ADAP1: variants seen among roughly 807,000 people sequenced by gnomAD.
ADAP1 encodes arf-GAP with dual PH domain-containing protein 1.
A neutral mutation model predicts 54.9 loss-of-function variants in ADAP1; 31 were observed. The ratio of observed to expected loss-of-function variants is 0.56; its 90% confidence interval spans 0.42 to 0.76. ADAP1 has a LOEUF of 0.76. ADAP1 is among the 30% of genes least tolerant of loss of function. The pLI, the probability that ADAP1 is intolerant of heterozygous loss-of-function variation, is 0.00. For synonymous variants in ADAP1, 313 were observed against 202.6 expected (o/e 1.55, Z -4.63); for missense variants, 535 against 512.4 (o/e 1.04, Z -0.42).
chr7:902,658 A>T (rs1297799331), intron 6 of ADAP1, among the ~76,000 whole-genome samples: 1 of 151,728 alleles, frequency 6.6e-6, no homozygotes, highest in Admixed American at 6.6e-5. Flanking sequence ...AGAAAATGAG[A>T]ACAGGGAAAG....
At chr7:914,275 A>G (rs971208844) in intron 4 of ADAP1, among the ~76,000 whole-genome samples, 1 of 152,078 alleles carries the variant, frequency 6.6e-6, no homozygotes, top group African/African-American at 2.4e-5. Context: ...GGCCCTTCCC[A>G]AGCCCCGAGC....
chr7:901,550 A>G (rs1270724336), intron 6 of ADAP1, among the ~76,000 whole-genome samples: 1 of 152,148 alleles, frequency 6.6e-6, no homozygotes, highest in Admixed American at 6.5e-5. Context: ...CCGGCCCAGC[A>G]CCAGCTGGAG....
intron 6 of ADAP1, chr7:900,824 C>A: frequency 1.6e-6 from 1 of 644,088 alleles, no homozygotes. Context: ...GGCTGCCCCT[C>A]TGCGGGAGGG....
At chr7:935,284 C>T in intron 2 of ADAP1, 91 bp downstream of exon 2, 1 of 1,496,966 alleles carries the variant, frequency 6.7e-7, no homozygotes, top group Non-Finnish European at 9.0e-7. Context: ...CCAGGGGCCA[C>T]AGCCAGGCCG....
At chr7:909,405 C>A (rs1480418338) in intron 4 of ADAP1, among the ~76,000 whole-genome samples, 1 of 136,050 alleles carries the variant, frequency 7.4e-6, no homozygotes, top group Non-Finnish European at 1.5e-5. Flanking sequence ...GTCCTCCCGA[C>A]AGCAGGCGCC....
chr7:912,629 C>G (rs1845770176), intron 4 of ADAP1, among the ~76,000 whole-genome samples: 1 of 152,222 alleles, frequency 6.6e-6, no homozygotes, highest in African/African-American at 2.4e-5. Flanking sequence ...GACACAGCGG[C>G]CACAGAGGGG....
At chr7:941,636 G>T (rs1372963722) in intron 1 of ADAP1, among the ~76,000 whole-genome samples, 1 of 152,184 alleles carries the variant, frequency 6.6e-6, no homozygotes. Context: ...ATTGCTCAGA[G>T]AAATTAAAGA....
chr7:900,684 T>A, intron 6 of ADAP1, 68 bp from the exon 7 acceptor site: 5 of 1,341,664 alleles, frequency 3.7e-6, no homozygotes, highest in Non-Finnish European at 5.2e-6. Flanking sequence ...ACAGAGGGGC[T>A]GGGGTCCCCA....
In ADAP1 at chr7:937,687, CCCG is replaced by C. The variant is rs1562934318; in HGVS notation, c.83-2185_83-2183del. Reference sequence around the variant, plus strand: ...CGGCCTCTGGGATTTGGGGGTCATGCCCGGCCTCTGGGATTTGGGGGTCATGCC... The same window carrying C: ...CGGCCTCTGGGATTTGGGGGTCATGCGCCTCTGGGATTTGGGGGTCATGCC... On this transcript the variant is annotated intron_variant, in intron 1 of 10. Transcript: ENST00000265846. Among the ~76,000 whole-genome samples, 115 of 82,720 alleles carry C rather than the reference CCCG, an allele frequency of 1.4e-3. 9 individuals carry two copies. The highest frequency in any genetic ancestry group is 2.5e-3 in the South Asian group (4 of 1,610). 54.3% of individuals were successfully genotyped at this position (82,720 alleles called of 152,430 possible). A position where few individuals can be genotyped will look rare whatever the true frequency, so the allele number is the denominator to read the frequency against.
chr7:899,726 TGGG>T (rs1297414231), intron 8 of ADAP1, among the ~76,000 whole-genome samples: 1 of 151,820 alleles, frequency 6.6e-6, no homozygotes. Context: ...GGGCCCCAGA[TGGG>T]GGCCCAGGCC....
rs1045521216 is a variant in ADAP1, at chr7:900,283, G to C, written c.733-119C>G. ...GCCACCAGGTCAGGGCCCAGGCCTGGCTTAGCCTCCGCAGGATCCACATTT... is the reference window on the plus strand; with the variant it reads ...GCCACCAGGTCAGGGCCCAGGCCTGCCTTAGCCTCCGCAGGATCCACATTT... On this transcript the variant is annotated intron_variant, in intron 7 of 10. Coordinates refer to ENST00000265846, the MANE Select transcript of ADAP1 (RefSeq NM_006869.4). 1.7e-5 allele frequency: 22 copies of C among 1,269,178 alleles called. No individual in the cohort carries two copies. In the African/African-American group the frequency reaches 2.5e-4, roughly 15 times the overall value. 78.6% of individuals were successfully genotyped at this position (1,269,178 alleles called of 1,614,324 possible).
Position 920,789 on chromosome 7 carries a change from T to G in ADAP1, c.306-739A>C, listed in dbSNP as rs1221220495. The G allele has an allele frequency of 5.2e-6, 8 of 1,546,588 alleles. No homozygotes were observed. Among genetic ancestry groups the G allele is most frequent in the Non-Finnish European group, 7.0e-6 (8 of 1,145,372 alleles). On this transcript the variant is annotated intron_variant, in intron 3 of 10. Transcript: ENST00000265846. The surrounding 1 kb of genome is among the most constrained non-coding windows in gnomAD (Gnocchi z 4.5). ...CCCCATCCACCGTGACTCACTCGAG[T>G]GAAGCCAATACCATTGCAGAAACCA...
intron 4 of ADAP1, among the ~76,000 whole-genome samples, chr7:910,525 C>A (rs1180428434): frequency 2.6e-5 from 4 of 152,222 alleles, no homozygotes; most frequent in Admixed American, 6.5e-5. Flanking sequence ...ACTGGGGTTG[C>A]AGCGTGAGCC....
intron 5 of ADAP1, among the ~76,000 whole-genome samples, chr7:904,532 C>A (rs990216701): frequency 6.6e-6 from 1 of 152,164 alleles, no homozygotes; most frequent in Non-Finnish European, 1.5e-5. Flanking sequence ...TCCCCGGGGG[C>A]AGCCCCGGGC....
At position 900,620 on chromosome 7, in the gene ADAP1, G is replaced by GGGGCAAAGGA; in HGVS notation, c.649-5_649-4insTCCTTTGCCC. On this transcript the variant is annotated splice_polypyrimidine_tract_variant and splice_region_variant and intron_variant, in intron 6 of 10. Coordinates refer to ENST00000265846, the MANE Select transcript of ADAP1 (RefSeq NM_006869.4). ...CATTGAACCAGTCCACAATCTCCTAGGGGCAAAGGTGGGCACAGGCTTGGG... is the reference window on the plus strand; with the variant it reads ...CATTGAACCAGTCCACAATCTCCTAGGGGCAAAGGAGGGCAAAGGTGGGCACAGGCTTGGG... 1 of 1,515,818 alleles carries GGGGCAAAGGA rather than the reference G, an allele frequency of 6.6e-7. No individual in the cohort carries two copies. Among genetic ancestry groups the GGGGCAAAGGA allele is most frequent in the Admixed American group, 2.0e-5 (1 of 50,166 alleles). 93.9% of individuals were successfully genotyped at this position (1,515,818 alleles called of 1,614,324 possible). A position where few individuals can be genotyped will look rare whatever the true frequency, so the allele number is the denominator to read the frequency against.
At chr7:918,778 G>A in intron 4 of ADAP1, among the ~76,000 whole-genome samples, 1 of 141,758 alleles carries the variant, frequency 7.1e-6, no homozygotes, top group East Asian at 2.1e-4. Context: ...CAGCTGCCCT[G>A]GGGAAAAAAC....
rs74301164 is a variant in ADAP1, at chr7:938,154, C to G, written c.83-2649G>C. The stretch of plus-strand genomic sequence containing the variant: ...CAGGATCAGCCGTTGTTTGGTTTTG[C>G]GGGGTTTTTTTTGTCTTGTATTGTA... On this transcript the variant is annotated intron_variant, in intron 1 of 10. Coordinates refer to ENST00000265846, the MANE Select transcript of ADAP1 (RefSeq NM_006869.4). The surrounding 1 kb of genome is among the most constrained non-coding windows in gnomAD (Gnocchi z 4.4). 1.6e-3 allele frequency among the ~76,000 whole-genome samples: 250 copies of G among 152,066 alleles called. 2 individuals are homozygous for G. The highest frequency in any genetic ancestry group is 5.6e-3 in the African/African-American group (234 of 41,496).
chr7:906,489 AGGGAAAGGAGAAAG>A lies in ADAP1; in HGVS notation c.389-1331_389-1318del, dbSNP rs1562914386. ...AGAAAGGAGAAAGGAGAAAGGAGAA[AGGGAAAGGAGAAAG>A]GGAGAAAGGAGAAAGGAGAAAGGGA... On this transcript the variant is annotated intron_variant, in intron 4 of 10. Transcript: ENST00000265846. 4.3e-3 allele frequency among the ~76,000 whole-genome samples: 120 copies of A among 27,736 alleles called. 1 individual carries two copies. The Middle Eastern group carries it at 0.052, about 12-fold the overall frequency. The allele number at this position is 27,736 out of a possible 152,430, so 18.2% of individuals were successfully genotyped here. A position where few individuals can be genotyped will look rare whatever the true frequency, so the allele number is the denominator to read the frequency against.
intron 1 of ADAP1, among the ~76,000 whole-genome samples, chr7:952,094 C>T (rs1847285931): frequency 6.6e-6 from 1 of 152,094 alleles, no homozygotes; most frequent in South Asian, 2.1e-4. Context: ...CAGGCACGCC[C>T]CAACTCGCCC....
Sources: allele counts gnomAD v4.1 joint callset (sites outside exome capture counted in the v4.1 genomes callset), GRCh38; gene constraint gnomAD v4.1.1; non-coding constraint Gnocchi (gnomAD v3.1); transcripts MANE v1.5; gene names NCBI Gene and HGNC (gene_info 2026-07-23, HGNC 2026-07-21).